The following ZNF532 variants were observed in gnomAD, a reference collection of about 807,000 sequenced individuals.
ZNF532 encodes the protein zinc finger protein 532.
ZNF532 carries 22 observed loss-of-function variants against 89.3 expected under a neutral mutation model. That is an observed-to-expected ratio of 0.25 (90% confidence interval 0.18 to 0.35). The LOEUF (loss-of-function observed/expected upper bound fraction) is 0.35, where lower values mean the gene tolerates loss of function less well. Among genes scored for constraint, ZNF532 ranks in the 10% least tolerant of loss-of-function variants. The pLI is 1.00. For missense variants in ZNF532, 1,132 were observed against 1,643.4 expected, an observed-to-expected ratio of 0.69 and a Z score of 5.38; for synonymous variants, 606 against 649.6, an observed-to-expected ratio of 0.93 and a Z score of 1.02.
In ZNF532 at chr18:58,941,989, TC is replaced by T. The variant is rs530573606; in HGVS notation, c.2705+2371del. 3.9e-3 allele frequency among the ~76,000 whole-genome samples: 500 copies of T among 127,022 alleles called. 4 individuals carry two copies. Among genetic ancestry groups the T allele is most frequent in the African/African-American group, 0.011 (365 of 34,494 alleles). 83.3% of individuals were successfully genotyped at this position (127,022 alleles called of 152,430 possible). On this transcript the variant is annotated intron_variant, in intron 5 of 9. Coordinates refer to ENST00000591808, the MANE Select transcript of ZNF532 (RefSeq NM_001375912.1). ...CTCCCTCCCTCCCTCCTTCCCTCCTTCCCTTCCTTCCTTCCTTCTTTCTTTT... is the reference window on the plus strand; with the variant it reads ...CTCCCTCCCTCCCTCCTTCCCTCCTTCCTTCCTTCCTTCCTTCTTTCTTTT...
intron 2 of ZNF532, among the ~76,000 whole-genome samples, chr18:58,910,721 C>T (rs1000668165): frequency 6.6e-6 from 1 of 152,076 alleles, no homozygotes; most frequent in Non-Finnish European, 1.5e-5. Context: ...GTGATCCACC[C>T]GCCTCAGCCT....
intron 2 of ZNF532, among the ~76,000 whole-genome samples, chr18:58,888,879 T>A (rs1360232343): frequency 2.1e-5 from 1 of 47,384 alleles, no homozygotes; most frequent in Non-Finnish European, 3.4e-5. Context: ...ATATATATTA[T>A]ATATATATAT....
intron 5 of ZNF532, among the ~76,000 whole-genome samples, chr18:58,942,123 A>C (rs762490139): frequency 4.2e-4 from 64 of 150,602 alleles, no homozygotes; most frequent in East Asian, 7.9e-4. Context: ...CCCGAGTTCA[A>C]GCCATTCTCC....
rs1452364269 is a variant in ZNF532, at chr18:58,872,582, A to G, written c.-18+7003A>G. 2.6e-5 allele frequency among the ~76,000 whole-genome samples: 4 copies of G among 152,178 alleles called. No homozygotes were observed. The East Asian group carries it at 7.7e-4, about 29-fold the overall frequency. On this transcript the variant is annotated intron_variant, in intron 2 of 9. Coordinates refer to ENST00000591808, the MANE Select transcript of ZNF532 (RefSeq NM_001375912.1). ...ATCTCATTTTCTACAGTGAGCCCACATTGGAGGGTGGGGCCATCAGGTAAC... is the reference window on the plus strand; with the variant it reads ...ATCTCATTTTCTACAGTGAGCCCACGTTGGAGGGTGGGGCCATCAGGTAAC...
At chr18:58,983,902 G>C (rs937728066) in intron 9 of ZNF532, 70 bp from the exon 10 acceptor site, 8 of 1,532,444 alleles carry the variant, frequency 5.2e-6, no homozygotes, top group South Asian at 5.1e-5. Context: ...TAAAGTAAGA[G>C]AACCGATCAT....
intron 7 of ZNF532, among the ~76,000 whole-genome samples, chr18:58,955,157 G>A (rs760933130): frequency 5.9e-5 from 9 of 152,162 alleles, no homozygotes; most frequent in South Asian, 2.1e-4. Context: ...ATTGGGAGGC[G>A]GAGGCAGGAG....
chr18:58,954,410 T>A, intron 7 of ZNF532: 1 of 243,728 alleles, frequency 4.1e-6, no homozygotes, highest in Non-Finnish European at 6.6e-6. Context: ...AAATTATTTT[T>A]CAGTATTATC....
At chr18:58,976,110 C>CTGTT (rs1273049886) in intron 7 of ZNF532, among the ~76,000 whole-genome samples, 2 of 152,176 alleles carry the variant, frequency 1.3e-5, no homozygotes, top group Non-Finnish European at 2.9e-5. Flanking sequence ...AGAAAGTTGT[C>CTGTT]TGTTAGGTAA....
intron 2 of ZNF532, among the ~76,000 whole-genome samples, chr18:58,867,584 AG>A (rs1298704695): frequency 6.6e-6 from 1 of 152,114 alleles, no homozygotes; most frequent in East Asian, 1.9e-4. Context: ...TGGGAGAGCC[AG>A]GGGGGACCCG....
intron 2 of ZNF532, among the ~76,000 whole-genome samples, chr18:58,917,429 A>G (rs2060680938): frequency 6.6e-6 from 1 of 152,192 alleles, no homozygotes; most frequent in Admixed American, 6.5e-5. Context: ...TCAGGATGGA[A>G]GGCTGGGGTT....
intron 6 of ZNF532, among the ~76,000 whole-genome samples, chr18:58,951,328 T>C (rs957505264): frequency 6.6e-6 from 1 of 152,216 alleles, no homozygotes; most frequent in Non-Finnish European, 1.5e-5. Context: ...TGTAGCACTT[T>C]AAGGTTATCT....
chr18:58,871,628 G>T (rs901162058), intron 2 of ZNF532, among the ~76,000 whole-genome samples: 5 of 152,252 alleles, frequency 3.3e-5, no homozygotes, highest in African/African-American at 7.2e-5. Context: ...GGGCACAGCA[G>T]GTGCTAAACA....
intron 2 of ZNF532, among the ~76,000 whole-genome samples, chr18:58,885,113 C>T (rs770686525): frequency 4.0e-5 from 6 of 151,860 alleles, no homozygotes; most frequent in African/African-American, 4.8e-5. Context: ...CTCAGCCTTC[C>T]GAGTAGCTGG....
intron 2 of ZNF532, among the ~76,000 whole-genome samples, chr18:58,892,667 G>C (rs1160649302): frequency 6.6e-6 from 1 of 152,226 alleles, no homozygotes; most frequent in Admixed American, 6.5e-5. Flanking sequence ...GCTTCACAAC[G>C]ATGCTACTTT....
intron 4 of ZNF532, among the ~76,000 whole-genome samples, chr18:58,936,628 A>C (rs555722130): frequency 6.6e-6 from 1 of 152,330 alleles, no homozygotes; most frequent in African/African-American, 2.4e-5. Context: ...TCAAGTTGTT[A>C]ACCAAAAATT....
intron 5 of ZNF532, among the ~76,000 whole-genome samples, chr18:58,945,827 A>C (rs2146849645): frequency 6.6e-6 from 1 of 151,978 alleles, no homozygotes; most frequent in Admixed American, 6.6e-5. Flanking sequence ...TCCTGGGTTC[A>C]AGCGATTCCC....
chr18:58,910,940 G>A (rs1461464348), intron 2 of ZNF532, among the ~76,000 whole-genome samples: 1 of 151,598 alleles, frequency 6.6e-6, no homozygotes, highest in South Asian at 2.1e-4. Context: ...TTGCAGTGGC[G>A]TGATTGTAGC....
intron 2 of ZNF532, among the ~76,000 whole-genome samples, chr18:58,914,401 G>T (rs1004872170): frequency 2.6e-5 from 4 of 152,336 alleles, no homozygotes; most frequent in South Asian, 4.1e-4. Context: ...AAGACCATTG[G>T]CCAGGCGTGG....
chr18:58,933,699 G>A (rs2062144013), intron 3 of ZNF532, among the ~76,000 whole-genome samples: 1 of 152,154 alleles, frequency 6.6e-6, no homozygotes, highest in Admixed American at 6.5e-5. Flanking sequence ...TTAAGAGGAT[G>A]AAAAACAGTG....
Sources: allele counts gnomAD v4.1 joint callset (sites outside exome capture counted in the v4.1 genomes callset), GRCh38; gene constraint gnomAD v4.1.1; transcripts MANE v1.5; gene names NCBI Gene and HGNC (gene_info 2026-07-23, HGNC 2026-07-21).